CEP135: variants seen among roughly 807,000 people sequenced by gnomAD.
The protein encoded by CEP135 is centrosomal protein 135, also known as centrosomal protein of 135 kDa.
In CEP135, 142 loss-of-function variants were observed where a neutral mutation model predicts 157.3. The ratio of observed to expected loss-of-function variants is 0.90; its 90% confidence interval spans 0.79 to 1.04. CEP135 has a LOEUF of 1.04. CEP135 is among the 50% of genes least tolerant of loss of function. The pLI, the probability that CEP135 is intolerant of heterozygous loss-of-function variation, is 0.00. For missense variants in CEP135, 1,317 were observed against 1,309.2 expected, an observed-to-expected ratio of 1.01 and a Z score of -0.09; for synonymous variants, 396 against 439.8, an observed-to-expected ratio of 0.90 and a Z score of 1.25.
intron 13 of CEP135, among the ~76,000 whole-genome samples, chr4:55,983,680 C>T (rs537272824): frequency 3.3e-5 from 5 of 152,054 alleles, no homozygotes; most frequent in Admixed American, 2.6e-4. Flanking sequence ...CTGCAACCTC[C>T]GCCTCTCAAG....
chr4:56,021,041 A>G (rs1190530087), intron 24 of CEP135, among the ~76,000 whole-genome samples: 4 of 152,210 alleles, frequency 2.6e-5, no homozygotes, highest in African/African-American at 9.7e-5. Flanking sequence ...AATCTGAAAA[A>G]TAAGGTAAAA....
At chr4:56,008,594 T>TA (rs1224732921) in intron 18 of CEP135, among the ~76,000 whole-genome samples, 3 of 152,208 alleles carry the variant, frequency 2.0e-5, no homozygotes, top group Non-Finnish European at 4.4e-5. Context: ...ACTTATGTCT[T>TA]ATTAACTATT....
chr4:56,002,904 A>C (rs1025682888), intron 17 of CEP135, among the ~76,000 whole-genome samples: 1 of 152,120 alleles, frequency 6.6e-6, no homozygotes, highest in South Asian at 2.1e-4. Flanking sequence ...ATCTTATTAC[A>C]TGCTATTGGT....
intron 14 of CEP135, among the ~76,000 whole-genome samples, chr4:55,988,998 G>T (rs1729698895): frequency 6.6e-6 from 1 of 151,808 alleles, no homozygotes; most frequent in African/African-American, 2.4e-5. Context: ...AAACAACAGG[G>T]ATTGGGAGAG....
Position 56,021,004 on chromosome 4 carries a change from A to T in CEP135, c.3320+224A>T, listed in dbSNP as rs537225979. Among the ~76,000 whole-genome samples, 2 of 152,358 alleles carry T rather than the reference A, an allele frequency of 1.3e-5. 1 individual carries two copies. The highest frequency in any genetic ancestry group is 4.8e-5 in the African/African-American group (2 of 41,596). On this transcript the variant is annotated intron_variant, in intron 24 of 25. Coordinates refer to ENST00000257287, the MANE Select transcript of CEP135 (RefSeq NM_025009.5). ...AGTATTACATAGCGGATGCTATATA[A>T]ATATTTATTGAATAAAATTGTTTAA...
chr4:55,955,474 T>C (rs1728476461), intron 4 of CEP135, among the ~76,000 whole-genome samples: 2 of 152,066 alleles, frequency 1.3e-5, no homozygotes, highest in Admixed American at 1.3e-4. Context: ...GGGGGAAGAC[T>C]CAGTGGAGCG....
intron 15 of CEP135, among the ~76,000 whole-genome samples, chr4:55,994,986 A>C (rs1729921061): frequency 6.6e-6 from 1 of 152,110 alleles, no homozygotes; most frequent in South Asian, 2.1e-4. Flanking sequence ...CGCCTGACCT[A>C]AGCATAGTTT....
intron 5 of CEP135, among the ~76,000 whole-genome samples, chr4:55,957,760 T>C (rs963053745): frequency 6.6e-6 from 1 of 152,260 alleles, no homozygotes; most frequent in African/African-American, 2.4e-5. Flanking sequence ...CCTTTTTTAA[T>C]GGTTTCTCTA....
At position 55,999,402 on chromosome 4, in the gene CEP135, C is replaced by A; in HGVS notation, c.2110C>A (p.Leu704Met). The change falls in exon 16 of 26, where the codon CTG (leucine) becomes ATG (methionine). Residue 704 changes from leucine (L) to methionine (M), a missense_variant. Coordinates refer to ENST00000257287, the MANE Select transcript of CEP135 (RefSeq NM_025009.5). ...ATCAGCCCAAGCACAAATTAAAATA[C>A]TGGAGGAAAAGATAGGTAAATGTTT... ...LESAQAQIKI[L>M]EEKIDELNLK... 6.2e-7 allele frequency: 1 copy of A among 1,613,910 alleles called. No individual in the cohort carries two copies. The highest frequency in any genetic ancestry group is 8.5e-7 in the Non-Finnish European group (1 of 1,179,930).
chr4:56,028,114 C>A (rs1731215329), intron 25 of CEP135, among the ~76,000 whole-genome samples: 1 of 152,130 alleles, frequency 6.6e-6, no homozygotes, highest in South Asian at 2.1e-4. Flanking sequence ...TTTAAAAAAT[C>A]CTTTTGTCAG....
chr4:56,019,514 C>G lies in CEP135; in HGVS notation c.3174C>G (p.Ile1058Met). ...CCTCCCACGAGAAGGATACAGAAATCCAGCTACTTAAGGAGAAGTTAACCC... is the reference window on the plus strand; with the variant it reads ...CCTCCCACGAGAAGGATACAGAAATGCAGCTACTTAAGGAGAAGTTAACCC... ...HLTSHEKDTE[I>M]QLLKEKLTLS... Residue 1058 changes from isoleucine (I) to methionine (M), a missense_variant, in exon 23 of 26, where the codon ATC (isoleucine) becomes ATG (methionine). Physicochemically the swap from Ile to Met is conservative, Grantham distance 10 (BLOSUM62 1). Transcript: ENST00000257287. 6.2e-7 allele frequency: 1 copy of G among 1,613,874 alleles called. No homozygotes were observed. The highest frequency in any genetic ancestry group is 8.5e-7 in the Non-Finnish European group (1 of 1,179,964).
intron 9 of CEP135, among the ~76,000 whole-genome samples, 161 bp from the exon 10 acceptor site, chr4:55,971,109 A>G (rs1047771748): frequency 4.6e-5 from 7 of 152,232 alleles, no homozygotes; most frequent in Non-Finnish European, 8.8e-5. Context: ...ACAAATGATA[A>G]TTAAGTTTAA....
chr4:56,017,006 G>A (rs773886634), intron 21 of CEP135, among the ~76,000 whole-genome samples: 15 of 151,784 alleles, frequency 9.9e-5, no homozygotes, highest in Non-Finnish European at 1.6e-4. Flanking sequence ...ATTTTTCAAT[G>A]CAGAATTCTC....
chr4:55,980,438 T>G, intron 12 of CEP135, 143 bp downstream of exon 12: 1 of 518,870 alleles, frequency 1.9e-6, no homozygotes, highest in East Asian at 3.5e-5. Flanking sequence ...TAGTTTCTAC[T>G]ATCATTCTGT....
At chr4:55,951,472 C>T (rs1421091005) in intron 1 of CEP135, among the ~76,000 whole-genome samples, 1 of 152,154 alleles carries the variant, frequency 6.6e-6, no homozygotes, top group East Asian at 1.9e-4. Flanking sequence ...ATTTGTATTT[C>T]CATGTTGACT....
At chr4:56,013,789 A>G (rs948953799) in intron 21 of CEP135, among the ~76,000 whole-genome samples, 2 of 152,214 alleles carry the variant, frequency 1.3e-5, no homozygotes, top group African/African-American at 4.8e-5. Context: ...AGATAGAATT[A>G]TAGCCTCCAG....
At chr4:56,007,189 C>A (rs1015673312) in intron 17 of CEP135, among the ~76,000 whole-genome samples, 28 of 152,338 alleles carry the variant, frequency 1.8e-4, no homozygotes, top group African/African-American at 6.5e-4. Context: ...CCACCACACC[C>A]AGCCTGGCTT....
At chr4:55,990,543 C>T (rs78206461) in intron 14 of CEP135, among the ~76,000 whole-genome samples, 1,548 of 151,714 alleles carry the variant, frequency 0.01, 24 homozygotes, top group Non-Finnish European at 0.015. Context: ...TTGCCCAGGC[C>T]GGAGTGCTGT....
chr4:55,977,499 A>G (rs1333088954), intron 11 of CEP135, among the ~76,000 whole-genome samples: 1 of 152,176 alleles, frequency 6.6e-6, no homozygotes, highest in African/African-American at 2.4e-5. Context: ...CAGAGTGGGG[A>G]AAGTGACTAC....
Sources: gnomAD v4.1 joint callset for allele counts (sites outside exome capture counted in the v4.1 genomes callset) on GRCh38, gnomAD v4.1.1 for gene constraint, MANE v1.5 for transcripts, NCBI Gene and HGNC (gene_info 2026-07-23, HGNC 2026-07-21) for gene names.